Variants in LRP12 observed in about 807,000 individuals in gnomAD.
LRP12 encodes low-density lipoprotein receptor-related protein 12.
A neutral mutation model predicts 66.0 loss-of-function variants in LRP12; 14 were observed. That is an observed-to-expected ratio of 0.21 (90% CI 0.14 to 0.33). LRP12 has a LOEUF of 0.33. LRP12 is among the 10% of genes least tolerant of loss of function. The pLI is 1.00. For missense variants in LRP12, 889 were observed against 1,053.4 expected (o/e 0.84, Z 2.16); for synonymous variants, 357 against 359.1 (o/e 0.99, Z 0.07).
At chr8:104,496,457 T>C (rs1367659452) in intron 5 of LRP12, among the ~76,000 whole-genome samples, 2 of 152,180 alleles carry the variant, frequency 1.3e-5, no homozygotes, top group African/African-American at 2.4e-5. Flanking sequence ...TCTGCCTCTC[T>C]CCCTCATTAG....
chr8:104,499,630 C>T, intron 3 of LRP12, 111 bp from the exon 4 acceptor site: 1 of 649,036 alleles, frequency 1.5e-6, no homozygotes, highest in Non-Finnish European at 2.6e-6. Flanking sequence ...ACTGATTCTC[C>T]TGGGTTTTCT....
At chr8:104,503,322 G>T (rs1198413740) in intron 3 of LRP12, among the ~76,000 whole-genome samples, 1 of 86,726 alleles carries the variant, frequency 1.2e-5, no homozygotes, top group Non-Finnish European at 2.0e-5. Context: ...GCGAGACTGT[G>T]TCTCTCAAAA....
chr8:104,574,342 T>C (rs1812127547), intron 1 of LRP12, among the ~76,000 whole-genome samples: 1 of 152,240 alleles, frequency 6.6e-6, no homozygotes, highest in South Asian at 2.1e-4. Flanking sequence ...ATTCTTTGGA[T>C]TCCTCAATAA....
chr8:104,529,658 C>G (rs1229500571), intron 2 of LRP12, among the ~76,000 whole-genome samples: 2 of 152,120 alleles, frequency 1.3e-5, no homozygotes, highest in African/African-American at 4.8e-5. Flanking sequence ...ATCTGCATAA[C>G]TCAGCAAATC....
At chr8:104,535,519 TTTTA>T (rs748970348) in intron 1 of LRP12, among the ~76,000 whole-genome samples, 1 of 151,990 alleles carries the variant, frequency 6.6e-6, no homozygotes, top group South Asian at 2.1e-4. Context: ...TTTCTGTCCT[TTTTA>T]TTTAAGAACT....
intron 1 of LRP12, among the ~76,000 whole-genome samples, chr8:104,581,342 T>C (rs1812246518): frequency 6.6e-6 from 1 of 150,958 alleles, no homozygotes. Flanking sequence ...CTGGGTACTA[T>C]ATACGATATG....
chr8:104,494,245 G>C (rs961937755), intron 6 of LRP12, among the ~76,000 whole-genome samples: 1 of 152,146 alleles, frequency 6.6e-6, no homozygotes, highest in African/African-American at 2.4e-5. Flanking sequence ...TCCAACAGTG[G>C]AACTTCTGAA....
At chr8:104,521,984 A>G (rs1811159978) in intron 2 of LRP12, among the ~76,000 whole-genome samples, 1 of 152,004 alleles carries the variant, frequency 6.6e-6, no homozygotes, top group African/African-American at 2.4e-5. Flanking sequence ...AATAATTGTA[A>G]ACTTCTATCA....
chr8:104,555,663 C>CAATTACT (rs1811796486), intron 1 of LRP12, among the ~76,000 whole-genome samples: 1 of 152,018 alleles, frequency 6.6e-6, no homozygotes, highest in Non-Finnish European at 1.5e-5. Context: ...ATTTACAAAA[C>CAATTACT]AATTACTAAT....
intron 2 of LRP12, among the ~76,000 whole-genome samples, chr8:104,516,582 G>A (rs148125120): frequency 6.6e-6 from 1 of 152,180 alleles, no homozygotes; most frequent in South Asian, 2.1e-4. Flanking sequence ...ACAGGGCAAA[G>A]TTAACTGATG....
Position 104,527,075 on chromosome 8 carries a change from G to T in LRP12, c.136+4832C>A, listed in dbSNP as rs975439903. On this transcript the variant is annotated intron_variant, in intron 2 of 6. Transcript: ENST00000276654. ...ACATTTATGCAGCCAAAAGACACAT[G>T]AAAAAATGCTCACCGTCACTGGCCA... Among the ~76,000 whole-genome samples, 391 of 151,410 alleles carry T rather than the reference G, an allele frequency of 2.6e-3. 1 individual carries two copies. The highest frequency in any genetic ancestry group is 8.4e-3 in the African/African-American group (344 of 40,832).
At chr8:104,583,878 T>A (rs763169021) in intron 1 of LRP12, among the ~76,000 whole-genome samples, 1 of 152,198 alleles carries the variant, frequency 6.6e-6, no homozygotes, top group African/African-American at 2.4e-5. Flanking sequence ...AAGTATTAAG[T>A]ACTTGTAAGT....
chr8:104,584,034 T>C (rs1812294411), intron 1 of LRP12, among the ~76,000 whole-genome samples: 1 of 152,086 alleles, frequency 6.6e-6, no homozygotes, highest in African/African-American at 2.4e-5. Flanking sequence ...AACATGTATT[T>C]GAATAGATAC....
At chr8:104,514,103 G>A (rs1811039133) in intron 2 of LRP12, among the ~76,000 whole-genome samples, 2 of 152,112 alleles carry the variant, frequency 1.3e-5, no homozygotes, top group Admixed American at 1.3e-4. Flanking sequence ...GCCTCACAGA[G>A]ATTAAAACCG....
chr8:104,521,611 TTATA>T (rs139052006), intron 2 of LRP12, among the ~76,000 whole-genome samples: 1 of 150,178 alleles, frequency 6.7e-6, no homozygotes, highest in Non-Finnish European at 1.5e-5. Flanking sequence ...AGTAATGTTT[TTATA>T]TATATATATA....
chr8:104,530,432 T>C (rs2140861557), intron 2 of LRP12, among the ~76,000 whole-genome samples: 1 of 152,298 alleles, frequency 6.6e-6, no homozygotes, highest in South Asian at 2.1e-4. Context: ...ACCTCTTGCT[T>C]TCTCTGAACA....
intron 1 of LRP12, among the ~76,000 whole-genome samples, chr8:104,562,050 C>T (rs62510142): frequency 0.24 from 36,507 of 151,976 alleles, 4,461 homozygotes; most frequent in Middle Eastern, 0.31. Flanking sequence ...TCAAATTCTA[C>T]GAGCAGAAGC....
chr8:104,511,901 TTTTC>T (rs1165164151), intron 2 of LRP12, among the ~76,000 whole-genome samples: 174 of 151,422 alleles, frequency 1.1e-3, no homozygotes, highest in African/African-American at 4.1e-3. Flanking sequence ...AAGCTTCTTT[TTTTC>T]TTTTTTTTTT....
chr8:104,508,758 A>G (rs1186640627), intron 3 of LRP12, 181 bp downstream of exon 3: 1 of 523,344 alleles, frequency 1.9e-6, no homozygotes, highest in Non-Finnish European at 3.3e-6. Context: ...AAATACTCAA[A>G]ACACATACCA....
Sources: gnomAD v4.1 joint callset for allele counts (sites outside exome capture counted in the v4.1 genomes callset) on GRCh38, gnomAD v4.1.1 for gene constraint, MANE v1.5 for transcripts, NCBI Gene and HGNC (gene_info 2026-07-23, HGNC 2026-07-21) for gene names.